Variants in GPC5 observed in about 807,000 individuals in gnomAD.
The protein encoded by GPC5 is glypican 5.
A neutral mutation model predicts 53.9 loss-of-function variants in GPC5; 47 were observed. That is an observed-to-expected ratio of 0.87 (90% confidence interval 0.69 to 1.11). The LOEUF (loss-of-function observed/expected upper bound fraction) is 1.11. Among genes scored for constraint, GPC5 ranks in the 50% most tolerant of loss-of-function variants. The pLI, the probability that GPC5 is intolerant of heterozygous loss-of-function variation, is 0.00. For missense variants in GPC5, 748 were observed against 713.1 expected (o/e 1.05, Z -0.56); for synonymous variants, 286 against 263.3 (o/e 1.09, Z -0.84).
Position 92,421,113 on chromosome 13 carries a change from T to C in GPC5, c.1561+276124T>C, listed in dbSNP as rs528730693. Reference sequence around the variant, plus strand: ...ACAATCAAATTTCTTTTTAACCCTGTGAAGTACATGCTTTAATGACATCTT... The same window carrying C: ...ACAATCAAATTTCTTTTTAACCCTGCGAAGTACATGCTTTAATGACATCTT... On this transcript the variant is annotated intron_variant, in intron 7 of 7. Coordinates refer to ENST00000377067, the MANE Select transcript of GPC5 (RefSeq NM_004466.6). Among the ~76,000 whole-genome samples, 7 of 152,362 alleles carry C rather than the reference T, an allele frequency of 4.6e-5. 1 individual carries two copies. The highest frequency in any genetic ancestry group is 1.2e-4 in the African/African-American group (5 of 41,598).
intron 7 of GPC5, among the ~76,000 whole-genome samples, chr13:92,667,924 A>G (rs1886627869): frequency 6.6e-6 from 1 of 152,166 alleles, no homozygotes; most frequent in African/African-American, 2.4e-5. Flanking sequence ...ATTGTCAAAA[A>G]CTAAAATCCG....
chr13:91,810,823 A>G (rs2038299665), intron 5 of GPC5, among the ~76,000 whole-genome samples: 1 of 151,856 alleles, frequency 6.6e-6, no homozygotes, highest in Admixed American at 6.6e-5. Context: ...GTTAATACTA[A>G]TGAAGGGAAA....
At chr13:92,820,115 A>C (rs1877624050) in intron 7 of GPC5, among the ~76,000 whole-genome samples, 1 of 152,100 alleles carries the variant, frequency 6.6e-6, no homozygotes, top group Non-Finnish European at 1.5e-5. Flanking sequence ...ATTTTGAGAG[A>C]CAAACCAGCG....
intron 1 of GPC5, among the ~76,000 whole-genome samples, chr13:91,404,292 G>T (rs1877163303): frequency 6.6e-6 from 1 of 152,176 alleles, no homozygotes; most frequent in Admixed American, 6.5e-5. Flanking sequence ...ATTTATAGAT[G>T]AATGGTCTCT....
At chr13:91,851,490 ATACG>A (rs2038912470) in intron 5 of GPC5, among the ~76,000 whole-genome samples, 1 of 148,914 alleles carries the variant, frequency 6.7e-6, no homozygotes, top group Non-Finnish European at 1.5e-5. Context: ...TAAATTTAGA[ATACG>A]TTTTCTTTTT....
chr13:92,529,062 C>T (rs1881462937), intron 7 of GPC5, among the ~76,000 whole-genome samples: 1 of 152,066 alleles, frequency 6.6e-6, no homozygotes, highest in African/African-American at 2.4e-5. Context: ...TGCATGCTCT[C>T]TTTAAGGTAG....
intron 7 of GPC5, among the ~76,000 whole-genome samples, chr13:92,282,242 C>A (rs1359900612): frequency 1.3e-5 from 2 of 152,152 alleles, no homozygotes; most frequent in South Asian, 2.1e-4. Context: ...AAATATGGGA[C>A]TATGTGAAAA....
chr13:91,998,825 G>C (rs2040528306), intron 6 of GPC5, among the ~76,000 whole-genome samples: 1 of 152,100 alleles, frequency 6.6e-6, no homozygotes. Context: ...ATTTTTTGCT[G>C]GTCCTGGTAT....
At chr13:91,578,892 A>T (rs1214690768) in intron 2 of GPC5, among the ~76,000 whole-genome samples, 1 of 151,812 alleles carries the variant, frequency 6.6e-6, no homozygotes, top group Non-Finnish European at 1.5e-5. Flanking sequence ...TAAAAACATA[A>T]AAAAATTAGC....
At chr13:92,819,854 C>T (rs1377124152) in intron 7 of GPC5, among the ~76,000 whole-genome samples, 1 of 152,158 alleles carries the variant, frequency 6.6e-6, no homozygotes. Flanking sequence ...TTGATGTCAA[C>T]TCTGAGCAAC....
At chr13:92,101,880 C>G (rs1362359218) in intron 6 of GPC5, among the ~76,000 whole-genome samples, 6 of 152,262 alleles carry the variant, frequency 3.9e-5, no homozygotes, top group Middle Eastern at 3.4e-3. Flanking sequence ...AAAAATAAAT[C>G]AACAACTTTA....
At chr13:91,489,671 C>T (rs1463816067) in intron 2 of GPC5, among the ~76,000 whole-genome samples, 1 of 152,012 alleles carries the variant, frequency 6.6e-6, no homozygotes, top group Non-Finnish European at 1.5e-5. Context: ...TTTTAGTTGC[C>T]ATCATAATGG....
At chr13:92,590,678 C>A (rs1463382936) in intron 7 of GPC5, among the ~76,000 whole-genome samples, 1 of 152,214 alleles carries the variant, frequency 6.6e-6, no homozygotes, top group African/African-American at 2.4e-5. Context: ...AAGATCTCAG[C>A]CCACGTTGTT....
intron 2 of GPC5, among the ~76,000 whole-genome samples, chr13:91,622,357 C>G (rs1437210307): frequency 1.3e-5 from 2 of 152,110 alleles, no homozygotes; most frequent in African/African-American, 4.8e-5. Context: ...ATGTGTAAGT[C>G]TACATCTTAA....
At chr13:92,292,806 A>G (rs1349786760) in intron 7 of GPC5, among the ~76,000 whole-genome samples, 1 of 152,166 alleles carries the variant, frequency 6.6e-6, no homozygotes, top group Admixed American at 6.5e-5. Context: ...CAGGTCTTAT[A>G]TTTAAGTGCT....
intron 7 of GPC5, among the ~76,000 whole-genome samples, chr13:92,419,697 A>G (rs1003468810): frequency 2.6e-5 from 4 of 152,320 alleles, no homozygotes; most frequent in African/African-American, 9.6e-5. Context: ...TCCCTAGCCC[A>G]CCAGCATGGT....
At chr13:92,423,418 C>T (rs148844385) in intron 7 of GPC5, among the ~76,000 whole-genome samples, 1 of 152,240 alleles carries the variant, frequency 6.6e-6, no homozygotes, top group South Asian at 2.1e-4. Flanking sequence ...CATCAGATAA[C>T]ATTATTTGCT....
chr13:91,861,504 A>G (rs916232621), intron 5 of GPC5, among the ~76,000 whole-genome samples: 3 of 151,876 alleles, frequency 2.0e-5, no homozygotes, highest in African/African-American at 4.8e-5. Flanking sequence ...TCCAGTTTAC[A>G]TTGTATTTTG....
At chr13:91,966,455 C>T (rs1430067508) in intron 6 of GPC5, among the ~76,000 whole-genome samples, 2 of 152,012 alleles carry the variant, frequency 1.3e-5, no homozygotes, top group South Asian at 2.1e-4. Flanking sequence ...CAAATTGCTT[C>T]GTAGTAAAAT....
Sources: gnomAD v4.1 joint callset for allele counts (sites outside exome capture counted in the v4.1 genomes callset) on GRCh38, gnomAD v4.1.1 for gene constraint, MANE v1.5 for transcripts, NCBI Gene and HGNC (gene_info 2026-07-23, HGNC 2026-07-21) for gene names.